Variants in EEF2K observed in about 807,000 individuals in gnomAD.
EEF2K encodes the protein alternative protein EEF2K.
Under a neutral mutation model 93.8 loss-of-function variants are expected in EEF2K, and 70 were observed. The observed-to-expected ratio is 0.75, with a 90% CI of 0.62 to 0.91. The LOEUF (loss-of-function observed/expected upper bound fraction) is 0.91, where lower values mean the gene tolerates loss of function less well. Among genes scored for constraint, EEF2K ranks in the 40% least tolerant of loss-of-function variants. EEF2K has a pLI of 0.00. For missense variants in EEF2K, 935 were observed against 972.9 expected, an observed-to-expected ratio of 0.96 and a Z score of 0.52; for synonymous variants, 376 against 380.8, an observed-to-expected ratio of 0.99 and a Z score of 0.15.
At position 22,274,903 on chromosome 16, in the gene EEF2K, T is replaced by G. The variant is rs2047619970; in HGVS notation, c.1889+1153T>G. 1.3e-5 allele frequency among the ~76,000 whole-genome samples: 2 copies of G among 152,164 alleles called. 1 individual carries two copies. The highest frequency in any genetic ancestry group is 4.1e-4 in the South Asian group (2 of 4,838). On this transcript the variant is annotated intron_variant, in intron 16 of 17. Transcript: ENST00000263026. ...ACAGGTGTGAGCCACCACGCCTGACTAGGGCAGGTATTTTGGCTCTATTTT... is the reference window on the plus strand; with the variant it reads ...ACAGGTGTGAGCCACCACGCCTGACGAGGGCAGGTATTTTGGCTCTATTTT...
At chr16:22,237,196 C>T (rs1347692525) in intron 2 of EEF2K, among the ~76,000 whole-genome samples, 1 of 151,346 alleles carries the variant, frequency 6.6e-6, no homozygotes, top group Non-Finnish European at 1.5e-5. Flanking sequence ...CCACCTATGT[C>T]GGCCTCCCAA....
Position 22,266,782 on chromosome 16 carries a change from A to G in EEF2K, c.1670A>G (p.His557Arg). 1 of 1,614,226 alleles carries G rather than the reference A, an allele frequency of 6.2e-7. No homozygotes were observed. The highest frequency in any genetic ancestry group is 8.5e-7 in the Non-Finnish European group (1 of 1,180,042). ...DQESAVFHLE[H>R]AANLGELEAI... ...GAGTCGGCTGTCTTCCACCTGGAGC[A>G]CGCAGCCAACCTGGGCGAGCTGGAG... The change falls in exon 15 of 18, where the codon CAC becomes CGC. Residue 557 changes from histidine to arginine, a missense_variant. Transcript: ENST00000263026.
In EEF2K at chr16:22,231,115, G is replaced by A. The variant is rs2141655950; in HGVS notation, c.246+5140G>A. Among the ~76,000 whole-genome samples the A allele has an allele frequency of 1.3e-5, 2 of 151,846 alleles. 1 individual carries two copies. Among genetic ancestry groups the A allele is most frequent in the South Asian group, 4.2e-4 (2 of 4,818 alleles). ...TTTTTTTTTTCTTTTCTGAGACAGA[G>A]TCTTGCTCCATCACCCAGGCTGGAG... On this transcript the variant is annotated intron_variant, in intron 2 of 17. Transcript: ENST00000263026.
intron 10 of EEF2K, among the ~76,000 whole-genome samples, chr16:22,259,059 T>C (rs1433007336): frequency 6.6e-6 from 1 of 152,176 alleles, no homozygotes; most frequent in Admixed American, 6.5e-5. Flanking sequence ...ATAAAAATAG[T>C]ACTATGTTAA....
At chr16:22,214,970 A>T (rs556259130) in intron 1 of EEF2K, among the ~76,000 whole-genome samples, 1 of 152,240 alleles carries the variant, frequency 6.6e-6, no homozygotes, top group Non-Finnish European at 1.5e-5. Flanking sequence ...CTGGGGTTTA[A>T]AAACCCTCTA....
At chr16:22,217,160 C>CA (rs59262131) in intron 1 of EEF2K, among the ~76,000 whole-genome samples, 1,967 of 76,008 alleles carry the variant, frequency 0.026, 43 homozygotes, top group Non-Finnish European at 0.039. Context: ...GACCCTGTCT[C>CA]AAAAAAAAAA....
intron 6 of EEF2K, among the ~76,000 whole-genome samples, chr16:22,255,490 T>G (rs1225913486): frequency 6.6e-6 from 1 of 152,166 alleles, no homozygotes; most frequent in Non-Finnish European, 1.5e-5. Context: ...GTTACATCAT[T>G]GCAATGCTCA....
Position 22,266,534 on chromosome 16 carries a change from A to C in EEF2K, c.1575+10A>C. On this transcript the variant is annotated intron_variant, in intron 14 of 17. Transcript: ENST00000263026. Reference sequence around the variant, plus strand: ...GTCCATTTTGGGGAAGGTATCGGCGATGCCCATTTTGGAGCCCTGTCTGCA... The same window carrying C: ...GTCCATTTTGGGGAAGGTATCGGCGCTGCCCATTTTGGAGCCCTGTCTGCA... 1 of 1,613,910 alleles carries C rather than the reference A, an allele frequency of 6.2e-7. No homozygotes were observed. Among genetic ancestry groups the C allele is most frequent in the Non-Finnish European group, 8.5e-7 (1 of 1,179,906 alleles).
At chr16:22,283,223 C>T (rs192021000) in intron 17 of EEF2K, among the ~76,000 whole-genome samples, 187 of 148,076 alleles carry the variant, frequency 1.3e-3, no homozygotes, top group African/African-American at 4.0e-3. Flanking sequence ...GCAGGAGAAT[C>T]GCTTGAACCC....
At position 22,266,793 on chromosome 16, in the gene EEF2K, C is replaced by T; in HGVS notation, c.1681C>T (p.Leu561=). Residue 561 remains leucine, a synonymous_variant, in exon 15 of 18, where the codon CTG becomes TTG. Coordinates refer to ENST00000263026, the MANE Select transcript of EEF2K (RefSeq NM_013302.5). ...CTTCCACCTGGAGCACGCAGCCAAC[C>T]TGGGCGAGCTGGAGGCCATCGTGGG... ...AVFHLEHAAN[L]GELEAIVGLG... The T allele has an allele frequency of 6.2e-7, 1 of 1,614,224 alleles. No individual in the cohort carries two copies. Among genetic ancestry groups the T allele is most frequent in the Non-Finnish European group, 8.5e-7 (1 of 1,180,030 alleles).
chr16:22,243,302 A>G (rs1184078354), intron 2 of EEF2K, among the ~76,000 whole-genome samples: 1 of 142,068 alleles, frequency 7.0e-6, no homozygotes, highest in Admixed American at 7.4e-5. Context: ...CTCAGGCTGG[A>G]GTGCAATGGC....
chr16:22,218,245 C>T (rs185072322), intron 1 of EEF2K, among the ~76,000 whole-genome samples: 6 of 152,320 alleles, frequency 3.9e-5, no homozygotes, highest in African/African-American at 1.2e-4. Flanking sequence ...GAAGCTGGTG[C>T]GTGATTCCAG....
At chr16:22,231,998 C>CAAAAAAAAAA (rs35198909) in intron 2 of EEF2K, among the ~76,000 whole-genome samples, 5 of 65,962 alleles carry the variant, frequency 7.6e-5, no homozygotes, top group Admixed American at 2.0e-4. Flanking sequence ...CTTAAACAAA[C>CAAAAAAAAAA]AAAAAAAAAA....
chr16:22,286,915 C>T lies in EEF2K; in HGVS notation c.*2919C>T, dbSNP rs1282560012. 1 of 152,278 alleles carries T rather than the reference C, an allele frequency of 6.6e-6. No individual in the cohort carries two copies. Among genetic ancestry groups the T allele is most frequent in the Non-Finnish European group, 1.5e-5 (1 of 68,090 alleles). The allele number at this position is 152,278 out of a possible 1,614,324, so 9.4% of individuals were successfully genotyped here. On this transcript the variant is annotated 3_prime_UTR_variant, in exon 18 of 18. Transcript: ENST00000263026. ...CCCCCGCAATTCTACTCCCCACCCA[C>T]CCATGTGACCTTAATGTCAGTTGCT...
rs765438321 is a variant in EEF2K, at chr16:22,251,133, TG to T, written c.447-17del. On this transcript the variant is annotated splice_polypyrimidine_tract_variant and intron_variant, in intron 5 of 17. Transcript: ENST00000263026. The stretch of plus-strand genomic sequence containing the variant: ...CCCCAGAGTACCCAGGTAGGCCCCC[TG>T]TTGCCTCTTCCCACAGGAAGAAGCT... The T allele has an allele frequency of 6.2e-7, 1 of 1,609,384 alleles. No individual in the cohort carries two copies. The highest frequency in any genetic ancestry group is 2.2e-5 in the East Asian group (1 of 44,842).
chr16:22,255,079 A>G (rs2047386641), intron 6 of EEF2K, among the ~76,000 whole-genome samples: 1 of 152,134 alleles, frequency 6.6e-6, no homozygotes, highest in Non-Finnish European at 1.5e-5. Flanking sequence ...TATAAAATAA[A>G]ATGAAAGCAA....
chr16:22,260,629 TAGCCC>T, intron 11 of EEF2K, 100 bp downstream of exon 11: 1 of 1,456,396 alleles, frequency 6.9e-7, no homozygotes, highest in Non-Finnish European at 9.6e-7. Flanking sequence ...GTGGGCAGCC[TAGCCC>T]AGGCACTGCC....
intron 7 of EEF2K, 88 bp from the exon 8 acceptor site, chr16:22,257,165 C>G (rs2047409877): frequency 6.3e-7 from 1 of 1,582,552 alleles, no homozygotes; most frequent in South Asian, 1.1e-5. Flanking sequence ...GAAGAGAAAG[C>G]CCCTCAGCAT....
chr16:22,240,747 A>C lies in EEF2K; in HGVS notation c.247-3883A>C, dbSNP rs115551892. ...CACAACAGAACATGTGGTGTGGTCC[A>C]ATTGCTCTTTCTTTTTATTTTGTTT... On this transcript the variant is annotated intron_variant, in intron 2 of 17. Coordinates refer to ENST00000263026, the MANE Select transcript of EEF2K (RefSeq NM_013302.5). 2.5e-3 allele frequency among the ~76,000 whole-genome samples: 385 copies of C among 152,202 alleles called. 2 individuals are homozygous for C. The highest frequency in any genetic ancestry group is 9.0e-3 in the African/African-American group (372 of 41,558).
Sources: gnomAD v4.1 joint callset for allele counts (sites outside exome capture counted in the v4.1 genomes callset) on GRCh38, gnomAD v4.1.1 for gene constraint, MANE v1.5 for transcripts, NCBI Gene and HGNC (gene_info 2026-07-23, HGNC 2026-07-21) for gene names.